Variants in GPATCH1 observed in about 807,000 individuals in gnomAD.
The protein encoded by GPATCH1 is G-patch domain containing 1.
In GPATCH1, 73 loss-of-function variants were observed where a neutral mutation model predicts 114.9. The ratio of observed to expected loss-of-function variants is 0.64; its 90% confidence interval spans 0.53 to 0.77. The LOEUF (loss-of-function observed/expected upper bound fraction) is 0.77. GPATCH1 is among the 30% of genes least tolerant of loss of function. The pLI is 0.00. For synonymous variants in GPATCH1, 391 were observed against 428.4 expected (o/e 0.91, Z 1.08); for missense variants, 1,058 against 1,144.3 (o/e 0.92, Z 1.09).
At chr19:33,100,791 T>C (rs1447084355) in intron 8 of GPATCH1, among the ~76,000 whole-genome samples, 1 of 151,952 alleles carries the variant, frequency 6.6e-6, no homozygotes, top group African/African-American at 2.4e-5. Context: ...TTTTTTTTTT[T>C]TTCAGAAGGG....
At chr19:33,099,765 AT>A (rs35230371) in intron 8 of GPATCH1, among the ~76,000 whole-genome samples, 12,274 of 118,306 alleles carry the variant, frequency 0.1, 566 homozygotes, top group South Asian at 0.16. Context: ...CGCCCAGCTA[AT>A]TTTTTTTTTT....
intron 1 of GPATCH1, among the ~76,000 whole-genome samples, chr19:33,087,772 C>T (rs933119786): frequency 6.7e-6 from 1 of 149,876 alleles, no homozygotes. Context: ...CAACCTCCAC[C>T]TCTCGGGTTC....
intron 18 of GPATCH1, 56 bp downstream of exon 18, chr19:33,125,258 C>G: frequency 6.4e-7 from 1 of 1,554,978 alleles, no homozygotes; most frequent in African/African-American, 1.4e-5. Context: ...GCTGGTCAGC[C>G]CCCAGGAGTG....
intron 9 of GPATCH1, among the ~76,000 whole-genome samples, chr19:33,104,338 C>CAAAA (rs759908888): frequency 8.0e-6 from 1 of 124,954 alleles, no homozygotes; most frequent in Non-Finnish European, 1.6e-5. Context: ...GACCCTGTCT[C>CAAAA]AAAAAAAAGA....
At chr19:33,129,215 C>A (rs1973076372) in intron 19 of GPATCH1, among the ~76,000 whole-genome samples, 1 of 151,330 alleles carries the variant, frequency 6.6e-6, no homozygotes. Context: ...CCACTGTACT[C>A]CAGCCTGGGT....
intron 17 of GPATCH1, 79 bp downstream of exon 17, chr19:33,119,196 C>T (rs928011440): frequency 9.0e-6 from 6 of 668,102 alleles, no homozygotes; most frequent in African/African-American, 3.6e-5. Context: ...GACTTAGAGC[C>T]GACCAAACAT....
Position 33,129,503 on chromosome 19 carries a change from C to T in GPATCH1, c.2766-627C>T, listed in dbSNP as rs564036345. Among the ~76,000 whole-genome samples, 72 of 151,546 alleles carry T rather than the reference C, an allele frequency of 4.8e-4. 2 individuals carry two copies. Among genetic ancestry groups the T allele is most frequent in the African/African-American group, 1.7e-3 (69 of 41,276 alleles). On this transcript the variant is annotated intron_variant, in intron 19 of 19. Transcript: ENST00000170564. ...CTTCCCAAGGGTCATGCAACGGATG[C>T]GGTAGGTGAGTGAAACTGAGATTAA... is the stretch of plus-strand genomic sequence containing the variant.
At chr19:33,110,077 C>T (rs556989304) in intron 11 of GPATCH1, 61 bp downstream of exon 11, 236 of 1,383,392 alleles carry the variant, frequency 1.7e-4, no homozygotes, top group Non-Finnish European at 2.2e-4. Flanking sequence ...TCTCACTGTT[C>T]TCATCCTAGA....
At chr19:33,120,211 AATAT>A (rs957187913) in intron 17 of GPATCH1, among the ~76,000 whole-genome samples, 4 of 141,030 alleles carry the variant, frequency 2.8e-5, no homozygotes, top group African/African-American at 1.0e-4. Flanking sequence ...TATTCATATA[AATAT>A]ATATATTTAG....
At chr19:33,110,379 C>T (rs779158876) in intron 11 of GPATCH1, among the ~76,000 whole-genome samples, 1 of 152,176 alleles carries the variant, frequency 6.6e-6, no homozygotes, top group Non-Finnish European at 1.5e-5. Flanking sequence ...ACCATCCATT[C>T]CTGACTCATA....
At chr19:33,107,023 AC>A in intron 10 of GPATCH1, 124 bp downstream of exon 10, 1 of 691,232 alleles carries the variant, frequency 1.4e-6, no homozygotes, top group Non-Finnish European at 2.5e-6. Flanking sequence ...CTGTGGAAAT[AC>A]CACTATTTAT....
At chr19:33,124,298 T>A (rs933169268) in intron 17 of GPATCH1, among the ~76,000 whole-genome samples, 1 of 152,184 alleles carries the variant, frequency 6.6e-6, no homozygotes, top group Non-Finnish European at 1.5e-5. Context: ...TTGAGGCACA[T>A]GCAAATTCTT....
rs377080661 is a variant in GPATCH1, at chr19:33,094,276, A to G, written c.553+7A>G. ...CCACGCCGACAGAAACCTGGTGTGT[A>G]TGTTAATTGATTAACTGTTATCACT... On this transcript the variant is annotated splice_region_variant and intron_variant, in intron 5 of 19. Coordinates refer to ENST00000170564, the MANE Select transcript of GPATCH1 (RefSeq NM_018025.3). 1.4e-5 allele frequency: 19 copies of G among 1,395,248 alleles called. No homozygotes were observed. Among genetic ancestry groups the G allele is most frequent in the Admixed American group, 1.3e-4 (8 of 59,336 alleles). The allele number at this position is 1,395,248 out of a possible 1,614,324, so 86.4% of individuals were successfully genotyped here.
intron 9 of GPATCH1, among the ~76,000 whole-genome samples, 177 bp downstream of exon 9, chr19:33,101,751 G>A (rs1251221071): frequency 2.0e-5 from 3 of 152,220 alleles, no homozygotes; most frequent in East Asian, 3.9e-4. Context: ...ATACCAGGGC[G>A]AGGCGCAGTG....
Position 33,119,131 on chromosome 19 carries a change from C to T in GPATCH1, c.2521+14C>T. ...TCTTCTGCCCCAGTGAGTGCAGAGC[C>T]CTTTGGTTCGCCCATTTTTATCAGT... On this transcript the variant is annotated intron_variant, in intron 17 of 19. Coordinates refer to ENST00000170564, the MANE Select transcript of GPATCH1 (RefSeq NM_018025.3). 2 of 1,494,150 alleles carry T rather than the reference C, an allele frequency of 1.3e-6. No homozygotes were observed. The highest frequency in any genetic ancestry group is 1.8e-6 in the Non-Finnish European group (2 of 1,083,628). 92.6% of individuals were successfully genotyped at this position (1,494,150 alleles called of 1,614,324 possible). A position where few individuals can be genotyped will look rare whatever the true frequency, so the allele number is the denominator to read the frequency against.
intron 14 of GPATCH1, 99 bp downstream of exon 14, chr19:33,114,002 A>G (rs1972888923): frequency 9.5e-7 from 1 of 1,050,748 alleles, no homozygotes. Flanking sequence ...AACAATGTGA[A>G]TGGTGCATAT....
intron 13 of GPATCH1, chr19:33,112,912 G>T: frequency 8.5e-6 from 2 of 236,252 alleles, no homozygotes; most frequent in Non-Finnish European, 8.2e-6. Flanking sequence ...CTGCTCATGT[G>T]GTTTACATTT....
chr19:33,124,046 G>C (rs1973014241), intron 17 of GPATCH1, among the ~76,000 whole-genome samples: 1 of 151,838 alleles, frequency 6.6e-6, no homozygotes. Context: ...TAGAGACAGG[G>C]TTTCACCGTG....
rs751934520 is a variant in GPATCH1 at position 33,119,104 on chromosome 19, C to G, written c.2508C>G (p.Pro836=). ...AAGAGTTCGGCCCGCGGCTGCCTCCCGTCTTCTGCCCCAGTGAGTGCAGAG... is the reference window on the plus strand; with the variant it reads ...AAGAGTTCGGCCCGCGGCTGCCTCCGGTCTTCTGCCCCAGTGAGTGCAGAG... The part of the protein sequence containing the change: ...EREEFGPRLP[P]VFCPNARQTL... Residue 836 remains proline, a synonymous_variant, in exon 17 of 20, where the codon CCC becomes CCG. Coordinates refer to ENST00000170564, the MANE Select transcript of GPATCH1 (RefSeq NM_018025.3). The G allele has an allele frequency of 1.2e-6, 2 of 1,602,586 alleles. No homozygotes were observed. The highest frequency in any genetic ancestry group is 1.7e-6 in the Non-Finnish European group (2 of 1,171,548).
Sources: gnomAD v4.1 joint callset for allele counts (sites outside exome capture counted in the v4.1 genomes callset) on GRCh38, gnomAD v4.1.1 for gene constraint, MANE v1.5 for transcripts, NCBI Gene and HGNC (gene_info 2026-07-23, HGNC 2026-07-21) for gene names.